The following CNTLN variants were observed in gnomAD, a reference collection of about 807,000 sequenced individuals.
CNTLN encodes the protein centlein, centrosomal protein.
In CNTLN, 212 loss-of-function variants were observed where a neutral mutation model predicts 180.0. That is an observed-to-expected ratio of 1.18 (90% CI 1.05 to 1.32). The LOEUF (loss-of-function observed/expected upper bound fraction) is 1.32. Among genes scored for constraint, CNTLN ranks in the 40% most tolerant of loss-of-function variants. CNTLN has a pLI of 0.00. For missense variants in CNTLN, 2,095 were observed against 1,610.9 expected, an observed-to-expected ratio of 1.30 and a Z score of -5.14; for synonymous variants, 722 against 563.1, an observed-to-expected ratio of 1.28 and a Z score of -3.99.
rs10963003 is a variant in CNTLN at position 17,282,967 on chromosome 9, A to G, written c.983+9101A>G. Reference sequence around the variant, plus strand: ...TTCATGTGTCTGTTTTTGTACCAGTACCGTGTTGTTTTGGTTACTGTTGCC... The same window carrying G: ...TTCATGTGTCTGTTTTTGTACCAGTGCCGTGTTGTTTTGGTTACTGTTGCC... On this transcript the variant is annotated intron_variant, in intron 6 of 25. Coordinates refer to ENST00000380647, the MANE Select transcript of CNTLN (RefSeq NM_017738.4). Among the ~76,000 whole-genome samples, 42 of 152,264 alleles carry G rather than the reference A, an allele frequency of 2.8e-4. 1 individual carries two copies. The East Asian group carries it at 8.1e-3, about 29-fold the overall frequency.
intron 5 of CNTLN, among the ~76,000 whole-genome samples, chr9:17,267,642 T>C (rs1380132797): frequency 6.6e-6 from 1 of 152,174 alleles, no homozygotes; most frequent in Non-Finnish European, 1.5e-5. Flanking sequence ...GTTTTCCAAC[T>C]TGGTTCCATT....
chr9:17,310,446 A>G (rs940442001), intron 8 of CNTLN, among the ~76,000 whole-genome samples: 2 of 152,194 alleles, frequency 1.3e-5, no homozygotes, highest in Non-Finnish European at 2.9e-5. Context: ...ATATGTGAGT[A>G]TATCATAACT....
chr9:17,267,501 C>G (rs1312909567), intron 5 of CNTLN, among the ~76,000 whole-genome samples: 1 of 152,156 alleles, frequency 6.6e-6, no homozygotes, highest in South Asian at 2.1e-4. Context: ...TTTGGTGAAT[C>G]TGACAATTAT....
chr9:17,270,539 G>T (rs916458423), intron 5 of CNTLN, among the ~76,000 whole-genome samples: 1 of 152,122 alleles, frequency 6.6e-6, no homozygotes, highest in African/African-American at 2.4e-5. Context: ...ATGCCTAAGT[G>T]ATATTGCCCT....
At position 17,332,611 on chromosome 9, in the gene CNTLN, C is replaced by A; in HGVS notation, c.1525C>A (p.Pro509Thr). 1 of 1,605,108 alleles carries A rather than the reference C, an allele frequency of 6.2e-7. No homozygotes were observed. Among genetic ancestry groups the A allele is most frequent in the South Asian group, 1.1e-5 (1 of 89,140 alleles). Reference protein sequence around the residue: ...TSAEGKHKEPPVKRSRSLSPK... With the variant: ...TSAEGKHKEPTVKRSRSLSPK... ...TCCTTGTTTTATTCTCGAGGAACCACCTGTGAAACGTTCAAGGTCTTTGTC... is the reference window on the plus strand; with the variant it reads ...TCCTTGTTTTATTCTCGAGGAACCAACTGTGAAACGTTCAAGGTCTTTGTC... The change falls in exon 10 of 26, where the codon CCT (proline) becomes ACT (threonine). Residue 509 changes from proline (P) to threonine (T), a missense_variant. Coordinates refer to ENST00000380647, the MANE Select transcript of CNTLN (RefSeq NM_017738.4).
chr9:17,303,364 T>G (rs1188080876), intron 7 of CNTLN, among the ~76,000 whole-genome samples: 2 of 152,240 alleles, frequency 1.3e-5, no homozygotes, highest in Non-Finnish European at 2.9e-5. Flanking sequence ...AGTTAAATGT[T>G]ATTCAGAAGA....
intron 8 of CNTLN, among the ~76,000 whole-genome samples, chr9:17,315,784 T>G (rs907876608): frequency 2.6e-5 from 4 of 152,094 alleles, no homozygotes; most frequent in African/African-American, 9.6e-5. Flanking sequence ...GAATAGAATA[T>G]GTATCCTACT....
chr9:17,259,168 G>C (rs1826748436), intron 5 of CNTLN, among the ~76,000 whole-genome samples: 1 of 148,718 alleles, frequency 6.7e-6, no homozygotes, highest in Non-Finnish European at 1.5e-5. Flanking sequence ...AATTTATTGA[G>C]AGTTTTTAGC....
At chr9:17,469,274 A>G (rs1346589367) in intron 23 of CNTLN, among the ~76,000 whole-genome samples, 1 of 151,814 alleles carries the variant, frequency 6.6e-6, no homozygotes, top group Non-Finnish European at 1.5e-5. Flanking sequence ...TAGTAAGACC[A>G]TTTATAACTC....
intron 12 of CNTLN, among the ~76,000 whole-genome samples, chr9:17,361,551 G>A (rs1425237408): frequency 6.6e-6 from 1 of 152,178 alleles, no homozygotes. Context: ...ATAAAGATTA[G>A]CCACATACTC....
At chr9:17,269,031 G>T (rs537171109) in intron 5 of CNTLN, among the ~76,000 whole-genome samples, 3 of 151,936 alleles carry the variant, frequency 2.0e-5, no homozygotes, top group African/African-American at 4.8e-5. Flanking sequence ...CGCACGGTGC[G>T]CTGCACCCAC....
chr9:17,253,014 G>A (rs1826247400), intron 5 of CNTLN, among the ~76,000 whole-genome samples: 1 of 151,430 alleles, frequency 6.6e-6, no homozygotes, highest in Non-Finnish European at 1.5e-5. Context: ...ATTTATTGAA[G>A]AGGCGCTATC....
At chr9:17,396,145 TAC>T (rs1354879326) in intron 15 of CNTLN, among the ~76,000 whole-genome samples, 1 of 152,172 alleles carries the variant, frequency 6.6e-6, no homozygotes, top group African/African-American at 2.4e-5. Flanking sequence ...GCATGAATAA[TAC>T]ACCCCTAGTT....
At chr9:17,468,401 A>G (rs1831869823) in intron 23 of CNTLN, among the ~76,000 whole-genome samples, 1 of 151,646 alleles carries the variant, frequency 6.6e-6, no homozygotes, top group South Asian at 2.1e-4. Context: ...TTAAAGTTAT[A>G]TATATATATA....
At chr9:17,341,147 T>C (rs1821451601) in intron 11 of CNTLN, among the ~76,000 whole-genome samples, 199 bp downstream of exon 11, 1 of 152,204 alleles carries the variant, frequency 6.6e-6, no homozygotes, top group Admixed American at 6.5e-5. Flanking sequence ...TTTCCTCACA[T>C]TTGCAGATAT....
chr9:17,486,773 T>C (rs902231012), intron 24 of CNTLN, among the ~76,000 whole-genome samples: 2 of 152,166 alleles, frequency 1.3e-5, no homozygotes, highest in Non-Finnish European at 2.9e-5. Context: ...TCTGAATTAC[T>C]GTGAAGTATA....
intron 5 of CNTLN, among the ~76,000 whole-genome samples, chr9:17,241,700 A>AT (rs61399132): frequency 0.21 from 30,971 of 150,628 alleles, 4,009 homozygotes; most frequent in African/African-American, 0.36. Context: ...ATTTCTTTCC[A>AT]TTTTTTTTTG....
intron 2 of CNTLN, among the ~76,000 whole-genome samples, chr9:17,221,908 A>T (rs998647675): frequency 4.6e-5 from 7 of 152,042 alleles, no homozygotes; most frequent in African/African-American, 1.7e-4. Flanking sequence ...AACATATCTG[A>T]ATCTGTTCTC....
chr9:17,354,124 C>A (rs939750076), intron 12 of CNTLN, among the ~76,000 whole-genome samples: 2 of 152,212 alleles, frequency 1.3e-5, no homozygotes, highest in Non-Finnish European at 2.9e-5. Context: ...CAGTGCCAGC[C>A]CACCGGCGCT....
Sources: gnomAD v4.1 joint callset for allele counts (sites outside exome capture counted in the v4.1 genomes callset) on GRCh38, gnomAD v4.1.1 for gene constraint, MANE v1.5 for transcripts, NCBI Gene and HGNC (gene_info 2026-07-23, HGNC 2026-07-21) for gene names.